The following PARPBP variants were observed in gnomAD, a reference collection of about 807,000 sequenced individuals.
The protein encoded by PARPBP is PCNA-interacting partner.
In PARPBP, 52 loss-of-function variants were observed where a neutral mutation model predicts 50.0. The ratio of observed to expected loss-of-function variants is 1.04; its 90% CI spans 0.83 to 1.31. The LOEUF (loss-of-function observed/expected upper bound fraction) is 1.31, where lower values mean the gene tolerates loss of function less well. Ranked by LOEUF, PARPBP falls within the 50% of genes most tolerant of loss-of-function variation. PARPBP has a pLI of 0.00. For missense variants in PARPBP, 697 were observed against 672.0 expected (o/e 1.04, Z -0.41); for synonymous variants, 244 against 232.1 (o/e 1.05, Z -0.47).
intron 4 of PARPBP, among the ~76,000 whole-genome samples, chr12:102,155,594 TGGGGG>T (rs796474782): frequency 2.5e-5 from 1 of 40,452 alleles, no homozygotes. Flanking sequence ...GAGAGCATGG[TGGGGG>T]GGGGGGGCGG....
At chr12:102,151,465 G>T in intron 3 of PARPBP, 1 of 733,544 alleles carries the variant, frequency 1.4e-6, no homozygotes, top group Non-Finnish European at 2.3e-6. Context: ...GTCCTTAGTT[G>T]GAGCCTGCGG....
chr12:102,124,158 A>C, intron 2 of PARPBP, 117 bp downstream of exon 2: 1 of 685,730 alleles, frequency 1.5e-6, no homozygotes, highest in Non-Finnish European at 2.5e-6. Flanking sequence ...CCCTTCTGTG[A>C]TAATACACCA....
intron 2 of PARPBP, among the ~76,000 whole-genome samples, chr12:102,124,987 A>T (rs981509789): frequency 6.6e-6 from 1 of 152,254 alleles, no homozygotes; most frequent in African/African-American, 2.4e-5. Flanking sequence ...ACACTTAAAA[A>T]TTAAAAAGTA....
Position 102,178,730 on chromosome 12 carries a change from AC to A in PARPBP, c.1145del (p.Thr382LysfsTer19). On this transcript the variant is annotated frameshift_variant, in exon 8 of 11. Coordinates refer to ENST00000327680, the MANE Select transcript of PARPBP (RefSeq NM_017915.5). LOFTEE classifies it high-confidence loss of function. Reference sequence around the variant, plus strand: ...AGAGCTTTTATATGATGAGGAAAACACAATCCATCATCATGGAACGTCTATT... The same window carrying A: ...AGAGCTTTTATATGATGAGGAAAACAAATCCATCATCATGGAACGTCTATT... The part of the protein sequence containing the change: ...KAELLYDEEN[T>X]IHHHGTSILT... 2 of 1,612,930 alleles carry A rather than the reference AC, an allele frequency of 1.2e-6. No individual in the cohort carries two copies. The highest frequency in any genetic ancestry group is 1.7e-6 in the Non-Finnish European group (2 of 1,179,366).
Position 102,148,464 on chromosome 12 carries a change from G to C in PARPBP, c.387+1G>C. On this transcript the variant is annotated splice_donor_variant, in intron 3 of 10. Coordinates refer to ENST00000327680, the MANE Select transcript of PARPBP (RefSeq NM_017915.5). LOFTEE classifies it high-confidence loss of function. ...TGAAAATTATAACACAGTATCTCCT[G>C]TAAGTATTTTTTAAACAATTCTATT... 1 of 1,153,156 alleles carries C rather than the reference G, an allele frequency of 8.7e-7. No individual in the cohort carries two copies. The highest frequency in any genetic ancestry group is 1.3e-6 in the Non-Finnish European group (1 of 791,182). 71.4% of individuals were successfully genotyped at this position (1,153,156 alleles called of 1,614,324 possible). A position where few individuals can be genotyped will look rare whatever the true frequency, so the allele number is the denominator to read the frequency against.
intron 8 of PARPBP, 61 bp downstream of exon 8, chr12:102,178,831 T>C: frequency 1.8e-6 from 2 of 1,099,996 alleles, no homozygotes; most frequent in Non-Finnish European, 2.5e-6. Context: ...ATAAAAGAAA[T>C]GTATGCTTAT....
Position 102,148,056 on chromosome 12 carries a change from A to G in PARPBP, c.154-174A>G, listed in dbSNP as rs192020550. 2.4e-3 allele frequency among the ~76,000 whole-genome samples: 369 copies of G among 152,242 alleles called. 4 individuals carry two copies. Among genetic ancestry groups the G allele is most frequent in the Non-Finnish European group, 4.1e-3 (276 of 68,002 alleles). On this transcript the variant is annotated intron_variant, in intron 2 of 10. Coordinates refer to ENST00000327680, the MANE Select transcript of PARPBP (RefSeq NM_017915.5). ...AAAATCATGAAAACCTTTTTCTTTTATATCTGGTTTCCAAAATTGTCTCAT... is the reference window on the plus strand; with the variant it reads ...AAAATCATGAAAACCTTTTTCTTTTGTATCTGGTTTCCAAAATTGTCTCAT...
intron 2 of PARPBP, among the ~76,000 whole-genome samples, chr12:102,127,163 G>A (rs1421903417): frequency 6.6e-6 from 1 of 152,138 alleles, no homozygotes; most frequent in African/African-American, 2.4e-5. Flanking sequence ...GAGAGTCCAT[G>A]ATGGGCAGAT....
At chr12:102,130,871 TAAA>T (rs141762828) in intron 2 of PARPBP, among the ~76,000 whole-genome samples, 1 of 143,656 alleles carries the variant, frequency 7.0e-6, no homozygotes, top group Non-Finnish European at 1.5e-5. Flanking sequence ...AAAAAAAACC[TAAA>T]AAAAAGAAGT....
chr12:102,165,652 A>T, intron 5 of PARPBP, 77 bp from the exon 6 acceptor site: 1 of 1,154,102 alleles, frequency 8.7e-7, no homozygotes, highest in Non-Finnish European at 1.3e-6. Context: ...AATTATATAG[A>T]TTTACTTAGC....
Position 102,148,229 on chromosome 12 carries a change from G to C in PARPBP, c.154-1G>C. ...TTTTTTTTTGGCATTATCTTTTTCA[G>C]CACAGTGGAGAATTTACAGTCTCTC... On this transcript the variant is annotated splice_acceptor_variant, in intron 2 of 10. Transcript: ENST00000327680. LOFTEE classifies it high-confidence loss of function. 1.5e-6 allele frequency: 2 copies of C among 1,357,836 alleles called. No individual in the cohort carries two copies. The highest frequency in any genetic ancestry group is 2.0e-6 in the Non-Finnish European group (2 of 984,848). The allele number at this position is 1,357,836 out of a possible 1,614,324, so 84.1% of individuals were successfully genotyped here. A position where few individuals can be genotyped will look rare whatever the true frequency, so the allele number is the denominator to read the frequency against.
intron 7 of PARPBP, among the ~76,000 whole-genome samples, chr12:102,176,422 ACTTTT>A (rs772731200): frequency 1.9e-4 from 29 of 152,208 alleles, no homozygotes; most frequent in Non-Finnish European, 3.8e-4. Context: ...TCAGCAGTTT[ACTTTT>A]CTTTTATAAA....
At chr12:102,174,352 T>C (rs1402955546) in intron 6 of PARPBP, among the ~76,000 whole-genome samples, 1 of 152,230 alleles carries the variant, frequency 6.6e-6, no homozygotes, top group Non-Finnish European at 1.5e-5. Context: ...TGCAATTTTC[T>C]TCTAACTTTC....
chr12:102,125,252 G>A (rs1477867303), intron 2 of PARPBP, among the ~76,000 whole-genome samples: 1 of 152,144 alleles, frequency 6.6e-6, no homozygotes, highest in Non-Finnish European at 1.5e-5. Context: ...GAGATAGCTA[G>A]TACTGTAAGA....
chr12:102,194,462 A>G (rs924897788), intron 9 of PARPBP, among the ~76,000 whole-genome samples: 7 of 151,970 alleles, frequency 4.6e-5, no homozygotes, highest in African/African-American at 1.7e-4. Context: ...TGAAATTGGC[A>G]TTATTTGTAT....
At chr12:102,175,716 T>G in intron 7 of PARPBP, 50 bp downstream of exon 7, 4 of 1,151,216 alleles carry the variant, frequency 3.5e-6, no homozygotes, top group African/African-American at 1.6e-5. Flanking sequence ...TCATTATCTC[T>G]TCTATTTATT....
At chr12:102,189,985 T>C (rs1890648933) in intron 9 of PARPBP, among the ~76,000 whole-genome samples, 2 of 152,174 alleles carry the variant, frequency 1.3e-5, no homozygotes, top group African/African-American at 4.8e-5. Flanking sequence ...TTCTTTACCC[T>C]ATTGAACAGA....
At chr12:102,162,356 G>C (rs1887690003) in intron 4 of PARPBP, among the ~76,000 whole-genome samples, 1 of 152,180 alleles carries the variant, frequency 6.6e-6, no homozygotes, top group African/African-American at 2.4e-5. Context: ...CATGTGTTTT[G>C]AGTGGGAATC....
At chr12:102,189,504 C>T (rs751373722) in intron 9 of PARPBP, among the ~76,000 whole-genome samples, 14 of 152,178 alleles carry the variant, frequency 9.2e-5, no homozygotes, top group African/African-American at 2.4e-4. Flanking sequence ...ATTAATTATC[C>T]GCACATGGCT....
Sources: allele counts gnomAD v4.1 joint callset (sites outside exome capture counted in the v4.1 genomes callset), GRCh38; gene constraint gnomAD v4.1.1; transcripts MANE v1.5; gene names NCBI Gene and HGNC (gene_info 2026-07-23, HGNC 2026-07-21).